MEF2A: variants seen among roughly 807,000 people sequenced by gnomAD.
MEF2A encodes the protein myocyte enhancer factor 2A.
MEF2A carries 28 observed loss-of-function variants against 55.8 expected under a neutral mutation model. The observed-to-expected ratio is 0.50, with a 90% CI of 0.37 to 0.69. The LOEUF (loss-of-function observed/expected upper bound fraction) is 0.69, where lower values mean the gene tolerates loss of function less well. Among genes scored for constraint, MEF2A ranks in the 30% least tolerant of loss-of-function variants. The pLI is 0.00. For synonymous variants in MEF2A, 239 were observed against 227.1 expected (o/e 1.05, Z -0.47); for missense variants, 528 against 626.2 (o/e 0.84, Z 1.67).
chr15:99,565,651 C>T (rs1376846656), upstream of MEF2A: 1 of 152,592 alleles, frequency 6.6e-6, no homozygotes, highest in Admixed American at 6.5e-5. Context: ...AAGCCGCCGT[C>T]ATCTTCTTCC....
intron 2 of MEF2A, among the ~76,000 whole-genome samples, chr15:99,610,214 A>G (rs942569638): frequency 1.3e-5 from 2 of 152,142 alleles, no homozygotes; most frequent in African/African-American, 2.4e-5. Context: ...TTAGGAATAA[A>G]TTTCACAAAA....
At chr15:99,672,632 T>TA (rs1480531210) in intron 5 of MEF2A, among the ~76,000 whole-genome samples, 1 of 152,220 alleles carries the variant, frequency 6.6e-6, no homozygotes, top group Non-Finnish European at 1.5e-5. Context: ...AGTCCTGTAT[T>TA]ACAGGTTGGG....
At chr15:99,635,643 C>T (rs1302716843) in intron 3 of MEF2A, among the ~76,000 whole-genome samples, 2 of 152,112 alleles carry the variant, frequency 1.3e-5, no homozygotes. Flanking sequence ...ACTTCTAACA[C>T]TATAGATTAA....
At chr15:99,623,319 G>A (rs1182300006) in intron 2 of MEF2A, among the ~76,000 whole-genome samples, 1 of 152,132 alleles carries the variant, frequency 6.6e-6, no homozygotes, top group Non-Finnish European at 1.5e-5. Flanking sequence ...TGGACATTCA[G>A]GTTGCTTCCA....
intron 2 of MEF2A, among the ~76,000 whole-genome samples, chr15:99,619,866 A>G (rs904407912): frequency 6.6e-6 from 1 of 152,196 alleles, no homozygotes; most frequent in Non-Finnish European, 1.5e-5. Context: ...TGGGGCTGGG[A>G]TGTAGGTTTT....
At position 99,578,480 on chromosome 15, in the gene MEF2A, T is replaced by C. The variant is rs541055964; in HGVS notation, c.-225+12376T>C. ...TGAGAAACTTCAGGCTCATCTTGCA[T>C]TTTACCAGCTCCAACCCTGTAATCA... On this transcript the variant is annotated intron_variant, in intron 1 of 11. Transcript: ENST00000557942. Among the ~76,000 whole-genome samples, 19 of 152,332 alleles carry C rather than the reference T, an allele frequency of 1.2e-4. No individual in the cohort carries two copies. The South Asian group carries it at 3.5e-3, about 28-fold the overall frequency.
At chr15:99,701,513 G>A (rs547656115) in intron 8 of MEF2A, among the ~76,000 whole-genome samples, 1 of 152,296 alleles carries the variant, frequency 6.6e-6, no homozygotes, top group East Asian at 1.9e-4. Flanking sequence ...CTGATCCTGG[G>A]TCAGGAAAAA....
intron 5 of MEF2A, among the ~76,000 whole-genome samples, chr15:99,671,872 T>G (rs2050942536): frequency 6.6e-6 from 1 of 152,246 alleles, no homozygotes; most frequent in South Asian, 2.1e-4. Context: ...AACATGCCGA[T>G]CCAGACTTTG....
rs993441613 is a variant in MEF2A, at chr15:99,700,507, G to A, written c.859-2855G>A. Among the ~76,000 whole-genome samples, 3 of 151,730 alleles carry A rather than the reference G, an allele frequency of 2.0e-5. No individual in the cohort carries two copies. The South Asian group carries it at 6.3e-4, about 32-fold the overall frequency. Reference sequence around the variant, plus strand: ...AGCCTGGCTGACACAGCGAGACCCTGTCACACACACACAAAAAAGGTACAG... The same window carrying A: ...AGCCTGGCTGACACAGCGAGACCCTATCACACACACACAAAAAAGGTACAG... On this transcript the variant is annotated intron_variant, in intron 8 of 11. Coordinates refer to ENST00000557942, the MANE Select transcript of MEF2A (RefSeq NM_001319206.4).
intron 2 of MEF2A, among the ~76,000 whole-genome samples, chr15:99,610,238 T>G (rs1976656321): frequency 6.6e-6 from 1 of 152,134 alleles, no homozygotes; most frequent in Admixed American, 6.6e-5. Flanking sequence ...ACAGAGCACC[T>G]GTACACTGAA....
intron 7 of MEF2A, among the ~76,000 whole-genome samples, chr15:99,675,997 A>G (rs2051933590): frequency 1.3e-5 from 2 of 152,134 alleles, no homozygotes; most frequent in South Asian, 4.2e-4. Flanking sequence ...CTGAGATCGC[A>G]TCACTGCACT....
At chr15:99,583,057 C>T (rs1966393809) in intron 1 of MEF2A, among the ~76,000 whole-genome samples, 1 of 152,102 alleles carries the variant, frequency 6.6e-6, no homozygotes, top group Non-Finnish European at 1.5e-5. Flanking sequence ...TTAGGAGTGT[C>T]ACGTTACTTG....
At chr15:99,665,852 G>T (rs959729257) in intron 4 of MEF2A, among the ~76,000 whole-genome samples, 2 of 151,800 alleles carry the variant, frequency 1.3e-5, no homozygotes, top group African/African-American at 4.8e-5. Context: ...ATCATCACTG[G>T]TCATTAGAGA....
rs534155471 is a variant in MEF2A at position 99,596,396 on chromosome 15, C to CA, written c.-224-2022dup. On this transcript the variant is annotated intron_variant, in intron 1 of 11. Coordinates refer to ENST00000557942, the MANE Select transcript of MEF2A (RefSeq NM_001319206.4). The stretch of plus-strand genomic sequence containing the variant: ...TTAAAGTAAGCTCCTTTTACCTTTG[C>CA]AAAAAAAAAAAACTTGTTTATGTGT... 7.3e-3 allele frequency among the ~76,000 whole-genome samples: 978 copies of CA among 134,082 alleles called. 8 individuals carry two copies. Among genetic ancestry groups the CA allele is most frequent in the South Asian group, 0.02 (85 of 4,280 alleles). The allele number at this position is 134,082 out of a possible 152,430, so 88.0% of individuals were successfully genotyped here. A position where few individuals can be genotyped will look rare whatever the true frequency, so the allele number is the denominator to read the frequency against.
chr15:99,702,057 CAT>C (rs1339565981), intron 8 of MEF2A, among the ~76,000 whole-genome samples: 2 of 152,266 alleles, frequency 1.3e-5, no homozygotes, highest in Admixed American at 1.3e-4. Context: ...AAGTGAAAAC[CAT>C]ATGTTTTACA....
chr15:99,663,248 G>A (rs963795785), intron 4 of MEF2A, among the ~76,000 whole-genome samples: 1 of 151,986 alleles, frequency 6.6e-6, no homozygotes, highest in Non-Finnish European at 1.5e-5. Flanking sequence ...GAGCCCATAT[G>A]CTTTAAATAT....
intron 1 of MEF2A, chr15:99,566,334 A>G (rs1461135389): frequency 9.7e-6 from 1 of 103,422 alleles, no homozygotes; most frequent in Non-Finnish European, 2.0e-5. Context: ...GGGTGCTGGG[A>G]GGCGGGTAGG....
intron 1 of MEF2A, among the ~76,000 whole-genome samples, chr15:99,579,306 GT>G (rs372720996): frequency 2.7e-5 from 4 of 146,192 alleles, no homozygotes; most frequent in South Asian, 2.2e-4. Flanking sequence ...CTGCTTTAGG[GT>G]TTTTTTTTTC....
chr15:99,677,941 ATACGTGCTT>A (rs2052441896), intron 7 of MEF2A, among the ~76,000 whole-genome samples: 1 of 152,164 alleles, frequency 6.6e-6, no homozygotes, highest in Admixed American at 6.5e-5. Flanking sequence ...AGATGATCTC[ATACGTGCTT>A]TTGTGGTATT....
Sources: gnomAD v4.1 joint callset for allele counts (sites outside exome capture counted in the v4.1 genomes callset) on GRCh38, gnomAD v4.1.1 for gene constraint, MANE v1.5 for transcripts, NCBI Gene and HGNC (gene_info 2026-07-23, HGNC 2026-07-21) for gene names.